The following LIX1 variants were observed in gnomAD, a reference collection of about 807,000 sequenced individuals.
The protein encoded by LIX1 is limb and CNS expressed 1.
A neutral mutation model predicts 33.4 loss-of-function variants in LIX1; 24 were observed. The ratio of observed to expected loss-of-function variants is 0.72; its 90% CI spans 0.52 to 1.01. The LOEUF is 1.01. Among genes scored for constraint, LIX1 ranks in the 50% least tolerant of loss-of-function variants. The probability of loss-of-function intolerance (pLI) is 0.00; values close to 1 mark genes in which losing one functional copy is unlikely to be tolerated. For synonymous variants in LIX1, 124 were observed against 124.0 expected, an observed-to-expected ratio of 1.00 and a Z score of 0.00; for missense variants, 311 against 339.2, an observed-to-expected ratio of 0.92 and a Z score of 0.65.
intron 5 of LIX1, 49 bp from the exon 6 acceptor site, chr5:97,095,084 GCACCCGTC>G: frequency 3.2e-6 from 5 of 1,558,014 alleles, no homozygotes; most frequent in Non-Finnish European, 4.4e-6. Context: ...AGCAACAAAG[GCACCCGTC>G]CACATGCCTC....
intron 2 of LIX1, among the ~76,000 whole-genome samples, chr5:97,109,532 G>A (rs900388096): frequency 6.6e-6 from 1 of 152,130 alleles, no homozygotes; most frequent in African/African-American, 2.4e-5. Context: ...GGGATTACAG[G>A]TGTGAGCCAC....
At chr5:97,122,257 G>A (rs920388568) in intron 2 of LIX1, among the ~76,000 whole-genome samples, 2 of 152,172 alleles carry the variant, frequency 1.3e-5, no homozygotes, top group Admixed American at 1.3e-4. Context: ...ACTGCATTCT[G>A]CTCTTTGCAT....
At chr5:97,130,693 A>G (rs1748035411) in intron 1 of LIX1, among the ~76,000 whole-genome samples, 1 of 152,254 alleles carries the variant, frequency 6.6e-6, no homozygotes, top group Non-Finnish European at 1.5e-5. Flanking sequence ...AAGGGACGTA[A>G]GAAGTAGAAG....
intron 2 of LIX1, among the ~76,000 whole-genome samples, chr5:97,108,570 C>T (rs1747195650): frequency 6.6e-6 from 1 of 152,178 alleles, no homozygotes; most frequent in Non-Finnish European, 1.5e-5. Flanking sequence ...GTCCCTGGAG[C>T]CCATACCTTT....
intron 2 of LIX1, among the ~76,000 whole-genome samples, chr5:97,109,660 G>A (rs953620858): frequency 1.3e-5 from 2 of 152,002 alleles, no homozygotes; most frequent in Admixed American, 6.6e-5. Flanking sequence ...CTGGGAATGC[G>A]GTGATTTCTG....
In LIX1 at chr5:97,127,931, A is replaced by G. The variant is rs905165724; in HGVS notation, c.83-3302T>C. Among the ~76,000 whole-genome samples the G allele has an allele frequency of 1.2e-4, 18 of 152,188 alleles. 1 individual carries two copies. Among genetic ancestry groups the G allele is most frequent in the African/African-American group, 7.2e-5 (3 of 41,442 alleles). ...AAGAATTTGTGCTGCTTTTCCTGGA[A>G]TTGTTCTCTTAGTCACTCCCATGGC... On this transcript the variant is annotated intron_variant, in intron 1 of 5. Coordinates refer to ENST00000274382, the MANE Select transcript of LIX1 (RefSeq NM_153234.5).
intron 1 of LIX1, 59 bp from the exon 2 acceptor site, chr5:97,124,688 C>A: frequency 6.8e-7 from 1 of 1,466,578 alleles, no homozygotes; most frequent in Non-Finnish European, 9.3e-7. Context: ...GGTGCAAAAC[C>A]AAAATTTTAT....
chr5:97,111,237 C>T (rs1747374962), intron 2 of LIX1, among the ~76,000 whole-genome samples: 1 of 152,144 alleles, frequency 6.6e-6, no homozygotes, highest in African/African-American at 2.4e-5. Flanking sequence ...AGCAACAATA[C>T]AGCCTAGGAA....
intron 4 of LIX1, among the ~76,000 whole-genome samples, chr5:97,097,880 AG>A: frequency 1.3e-5 from 2 of 152,250 alleles, no homozygotes; most frequent in South Asian, 4.1e-4. Flanking sequence ...TCCCCAAACA[AG>A]CCAGTTTTAG....
chr5:97,131,245 TA>T (rs1269199677), intron 1 of LIX1, among the ~76,000 whole-genome samples: 1 of 152,198 alleles, frequency 6.6e-6, no homozygotes, highest in Non-Finnish European at 1.5e-5. Context: ...ACATGTTGCT[TA>T]TTTGTTATCT....
At chr5:97,140,787 G>A (rs189439697) in intron 1 of LIX1, among the ~76,000 whole-genome samples, 156 of 152,276 alleles carry the variant, frequency 1.0e-3, no homozygotes, top group Middle Eastern at 3.4e-3. Context: ...GGAGAGAATC[G>A]GCAGTTTAAT....
chr5:97,125,186 C>G (rs1231049928), intron 1 of LIX1, among the ~76,000 whole-genome samples: 1 of 152,120 alleles, frequency 6.6e-6, no homozygotes, highest in African/African-American at 2.4e-5. Context: ...TGGAAAAATC[C>G]ATGAGTGAAA....
intron 1 of LIX1, among the ~76,000 whole-genome samples, chr5:97,129,127 T>A (rs555850391): frequency 6.6e-6 from 1 of 152,188 alleles, no homozygotes; most frequent in South Asian, 2.1e-4. Context: ...TTCTTATGCT[T>A]CTCAAAAGCC....
At chr5:97,130,518 G>A (rs1467069730) in intron 1 of LIX1, among the ~76,000 whole-genome samples, 3 of 152,186 alleles carry the variant, frequency 2.0e-5, no homozygotes, top group African/African-American at 7.2e-5. Flanking sequence ...AAAGCAGAGG[G>A]GTAGCAGTTG....
At chr5:97,129,055 A>G (rs543027544) in intron 1 of LIX1, among the ~76,000 whole-genome samples, 13 of 152,162 alleles carry the variant, frequency 8.5e-5, no homozygotes, top group African/African-American at 2.6e-4. Flanking sequence ...ATGTCTCACT[A>G]TTCTCTCTTG....
chr5:97,116,753 T>A (rs1488945560), intron 2 of LIX1, among the ~76,000 whole-genome samples: 1 of 152,090 alleles, frequency 6.6e-6, no homozygotes, highest in East Asian at 1.9e-4. Flanking sequence ...GGGCTCAAGA[T>A]TTGGGTTTAT....
At chr5:97,098,481 C>G (rs1746506991) in intron 4 of LIX1, among the ~76,000 whole-genome samples, 1 of 152,058 alleles carries the variant, frequency 6.6e-6, no homozygotes, top group Admixed American at 6.5e-5. Context: ...GGATTAATAG[C>G]CTGTGGTTAT....
rs567267441 is a variant in LIX1, at chr5:97,112,667, AC to A, written c.247-5168del. ...GTGAATTTCTCAGGCATGTGGAGCC[AC>A]ATGCTTTCCGAGTGGCCAGCAGACC... On this transcript the variant is annotated intron_variant, in intron 2 of 5. Coordinates refer to ENST00000274382, the MANE Select transcript of LIX1 (RefSeq NM_153234.5). Among the ~76,000 whole-genome samples, 29 of 152,316 alleles carry A rather than the reference AC, an allele frequency of 1.9e-4. No homozygotes were observed. In the East Asian group the frequency reaches 4.0e-3, roughly 21 times the overall value.
At chr5:97,099,132 TG>T (rs11329767) in intron 4 of LIX1, among the ~76,000 whole-genome samples, 50,291 of 152,024 alleles carry the variant, frequency 0.33, 9,545 homozygotes, top group African/African-American at 0.53. Flanking sequence ...TGCCCAGGGA[TG>T]GCTGTCCCCT....
Sources: allele counts gnomAD v4.1 joint callset (sites outside exome capture counted in the v4.1 genomes callset), GRCh38; gene constraint gnomAD v4.1.1; transcripts MANE v1.5; gene names NCBI Gene and HGNC (gene_info 2026-07-23, HGNC 2026-07-21).